TAF4: variants seen among roughly 807,000 people sequenced by gnomAD.
The protein encoded by TAF4 is transcription initiation factor TFIID subunit 4.
A neutral mutation model predicts 90.3 loss-of-function variants in TAF4; 9 were observed. That is an observed-to-expected ratio of 0.10 (90% CI 0.06 to 0.17). The LOEUF (loss-of-function observed/expected upper bound fraction) is 0.17. Among genes scored for constraint, TAF4 ranks in the 10% least tolerant of loss-of-function variants. The pLI is 1.00. For synonymous variants in TAF4, 818 were observed against 638.9 expected, an observed-to-expected ratio of 1.28 and a Z score of -4.23; for missense variants, 1,351 against 1,370.7, an observed-to-expected ratio of 0.99 and a Z score of 0.23.
At chr20:62,057,104 T>C (rs1181919649) in intron 1 of TAF4, among the ~76,000 whole-genome samples, 1 of 152,170 alleles carries the variant, frequency 6.6e-6, no homozygotes, top group Admixed American at 6.5e-5. Context: ...TCCCACACAC[T>C]TTACTGCAAA....
intron 8 of TAF4, 110 bp downstream of exon 8, chr20:62,003,621 G>T: frequency 1.5e-6 from 2 of 1,324,708 alleles, no homozygotes; most frequent in East Asian, 5.1e-5. Context: ...ACTTAAAATG[G>T]CCAATTTTAT....
At chr20:62,064,333 C>T (rs1006940603) in intron 1 of TAF4, 118 bp downstream of exon 1, 1 of 1,185,846 alleles carries the variant, frequency 8.4e-7, no homozygotes, top group East Asian at 3.2e-5. Context: ...TCGGCCTGCT[C>T]CAGCCACGGG....
At chr20:62,021,869 C>T (rs2055845549) in intron 1 of TAF4, among the ~76,000 whole-genome samples, 1 of 152,150 alleles carries the variant, frequency 6.6e-6, no homozygotes, top group African/African-American at 2.4e-5. Context: ...ACAGCCGGCA[C>T]CTCAGACGGC....
chr20:62,024,054 G>T (rs1429992828), intron 1 of TAF4, among the ~76,000 whole-genome samples: 1 of 152,090 alleles, frequency 6.6e-6, no homozygotes, highest in Admixed American at 6.6e-5. Flanking sequence ...CTCCAACCTG[G>T]GTGACACAGT....
Position 62,006,901 on chromosome 20 carries a change from A to C in TAF4, c.1975-143T>G. ...TTGGCCCTCACGGCAGCATGTCTGG[A>C]TGTCAAGGGCCAGGACCCCATCCTG... On this transcript the variant is annotated intron_variant, in intron 6 of 14. Transcript: ENST00000252996. The surrounding 1 kb of genome is among the most constrained non-coding windows in gnomAD (Gnocchi z 7.0). The C allele has an allele frequency of 8.4e-7, 1 of 1,191,644 alleles. No homozygotes were observed. Among genetic ancestry groups the C allele is most frequent in the Non-Finnish European group, 1.1e-6 (1 of 923,450 alleles). The allele number at this position is 1,191,644 out of a possible 1,614,324, so 73.8% of individuals were successfully genotyped here. A position where few individuals can be genotyped will look rare whatever the true frequency, so the allele number is the denominator to read the frequency against.
chr20:61,978,738 C>G (rs1049503444), intron 14 of TAF4, among the ~76,000 whole-genome samples: 1 of 152,266 alleles, frequency 6.6e-6, no homozygotes, highest in East Asian at 1.9e-4. Flanking sequence ...CAAGGCCAGA[C>G]GGTGCCTCCT....
chr20:61,988,507 C>G (rs951552191), intron 14 of TAF4, among the ~76,000 whole-genome samples: 1 of 152,126 alleles, frequency 6.6e-6, no homozygotes, highest in African/African-American at 2.4e-5. Flanking sequence ...ATTTCTGTAA[C>G]TTTCCTGTAA....
intron 1 of TAF4, among the ~76,000 whole-genome samples, chr20:62,060,700 G>C (rs116213030): frequency 0.01 from 1,553 of 152,282 alleles, 29 homozygotes; most frequent in African/African-American, 0.035. Flanking sequence ...AGAAACACCA[G>C]ATTAAGGCCT....
rs1232020135 is a variant in TAF4, at chr20:62,014,023, T to G, written c.1521+524A>C. On this transcript the variant is annotated intron_variant, in intron 2 of 14. Transcript: ENST00000252996. ...GAAGGCTGACGCGGGGGTGTGGGTG[T>G]GTGTGTGTGTGTGTGTGTGTGTATG... 5.8e-4 allele frequency among the ~76,000 whole-genome samples: 58 copies of G among 100,308 alleles called. No homozygotes were observed. The South Asian group carries it at 6.4e-3, about 11-fold the overall frequency. 65.8% of individuals were successfully genotyped at this position (100,308 alleles called of 152,430 possible).
chr20:62,030,070 C>T (rs1332385490), intron 1 of TAF4, among the ~76,000 whole-genome samples: 1 of 152,196 alleles, frequency 6.6e-6, no homozygotes, highest in Non-Finnish European at 1.5e-5. Flanking sequence ...ACGCACAATG[C>T]CAGCGCTGCG....
intron 1 of TAF4, among the ~76,000 whole-genome samples, chr20:62,019,010 C>T (rs1294076650): frequency 6.6e-6 from 1 of 152,186 alleles, no homozygotes; most frequent in East Asian, 1.9e-4. Flanking sequence ...CCCACCCCAC[C>T]TTCCTGGAGA....
intron 1 of TAF4, among the ~76,000 whole-genome samples, chr20:62,031,035 T>C (rs1177177053): frequency 1.3e-5 from 2 of 152,224 alleles, no homozygotes; most frequent in Non-Finnish European, 2.9e-5. Context: ...CAGGCAGGTT[T>C]TTCTCCACGG....
At chr20:62,007,485 G>A (rs1264092673) in intron 6 of TAF4, 62 bp downstream of exon 6, 3 of 1,512,714 alleles carry the variant, frequency 2.0e-6, no homozygotes, top group African/African-American at 2.8e-5. Flanking sequence ...CACACTTGGT[G>A]CATCTGCGCC....
chr20:62,053,871 G>C (rs1362437208), intron 1 of TAF4, among the ~76,000 whole-genome samples: 1 of 152,236 alleles, frequency 6.6e-6, no homozygotes, highest in African/African-American at 2.4e-5. Flanking sequence ...AGGGCCTTAA[G>C]ACCAGGAGTG....
chr20:62,065,326 C>T lies in TAF4; in HGVS notation c.485G>A (p.Gly162Asp), dbSNP rs1249226559. The T allele has an allele frequency of 7.8e-5, 73 of 936,892 alleles. No individual in the cohort carries two copies. Among genetic ancestry groups the T allele is most frequent in the Non-Finnish European group, 8.8e-5 (70 of 798,816 alleles). 58.0% of individuals were successfully genotyped at this position (936,892 alleles called of 1,614,324 possible). A position where few individuals can be genotyped will look rare whatever the true frequency, so the allele number is the denominator to read the frequency against. Residue 162 changes from glycine to aspartate, a missense_variant, in exon 1 of 15, where the codon GGC (glycine) becomes GAC (aspartate). This residue lies in a region of TAF4 where 782 missense variants were observed against 536.6 expected (regional missense o/e 1.46). Transcript: ENST00000252996. ...GGCGCGGGCGGCCAGCGCGGCGGGG[C>T]CGGCGGGCTTGGCGGGGCCGGCGGG... ...PAPAGPAKPA[G>D]PAALAARAGP... is the part of the protein sequence containing the mutation.
intron 3 of TAF4, 175 bp downstream of exon 3, chr20:62,012,640 C>T (rs2055785769): frequency 2.4e-6 from 2 of 829,798 alleles, no homozygotes; most frequent in Admixed American, 3.0e-5. Flanking sequence ...CCTGACTTAT[C>T]CCATGTTGGT....
At chr20:62,034,814 A>G (rs1388358872) in intron 1 of TAF4, among the ~76,000 whole-genome samples, 5 of 142,654 alleles carry the variant, frequency 3.5e-5, no homozygotes, top group Admixed American at 3.5e-4. Context: ...TATAGTCACT[A>G]TCTCATAGAT....
chr20:62,013,874 G>A (rs1208861999), intron 2 of TAF4, among the ~76,000 whole-genome samples: 2 of 149,246 alleles, frequency 1.3e-5, no homozygotes, highest in African/African-American at 2.5e-5. Context: ...ACAGCTCAGG[G>A]GTCGGGAGCT....
At chr20:61,987,555 C>A (rs1490786365) in intron 14 of TAF4, among the ~76,000 whole-genome samples, 2 of 152,146 alleles carry the variant, frequency 1.3e-5, no homozygotes, top group African/African-American at 4.8e-5. Context: ...CGGCCAAAAC[C>A]CAGAACACGG....
Sources: allele counts gnomAD v4.1 joint callset (sites outside exome capture counted in the v4.1 genomes callset), GRCh38; gene constraint gnomAD v4.1.1; regional missense constraint gnomAD v4.1.1; non-coding constraint Gnocchi (gnomAD v3.1); transcripts MANE v1.5; gene names NCBI Gene and HGNC (gene_info 2026-07-23, HGNC 2026-07-21).